The following ANXA10 variants were observed in gnomAD, a reference collection of about 807,000 sequenced individuals.
ANXA10 encodes the protein annexin 14.
In ANXA10, 49 loss-of-function variants were observed where a neutral mutation model predicts 53.5. That is an observed-to-expected ratio of 0.92 (90% CI 0.73 to 1.16). The LOEUF (loss-of-function observed/expected upper bound fraction) is 1.16, where lower values mean the gene tolerates loss of function less well. Ranked by LOEUF, ANXA10 falls within the 50% of genes most tolerant of loss-of-function variation. The pLI, the probability that ANXA10 is intolerant of heterozygous loss-of-function variation, is 0.00. For missense variants in ANXA10, 393 were observed against 394.4 expected (o/e 1.00, Z 0.03); for synonymous variants, 131 against 128.9 (o/e 1.02, Z -0.11).
chr4:168,103,311 T>C (rs962142596), intron 1 of ANXA10, among the ~76,000 whole-genome samples: 29 of 152,000 alleles, frequency 1.9e-4, no homozygotes, highest in African/African-American at 6.8e-4. Context: ...TCTATTAAGG[T>C]CTATGACAAA....
At chr4:168,128,281 A>G in intron 2 of ANXA10, 116 bp downstream of exon 2, 1 of 501,396 alleles carries the variant, frequency 2.0e-6, no homozygotes, top group Non-Finnish European at 3.1e-6. Context: ...GATACAGATT[A>G]GACAAAAAAA....
In ANXA10 at chr4:168,181,710, A is replaced by T; in HGVS notation, c.752A>T (p.Tyr251Phe). 1 of 1,604,422 alleles carries T rather than the reference A, an allele frequency of 6.2e-7. No individual in the cohort carries two copies. Among genetic ancestry groups the T allele is most frequent in the Non-Finnish European group, 8.5e-7 (1 of 1,173,350 alleles). ...CTCTGTGTTCGAGACAAACCAGCCT[A>T]TTTTGCTTATAGATTATATAGTGCA... is the stretch of plus-strand genomic sequence containing the variant. Reference protein sequence around the residue: ...IVLCVRDKPAYFAYRLYSAIH... With the variant: ...IVLCVRDKPAFFAYRLYSAIH... Residue 251 changes from tyrosine (Y) to phenylalanine (F), a missense_variant, in exon 10 of 12, where the codon TAT becomes TTT. By Grantham distance (22) the Tyr-to-Phe change is conservative (BLOSUM62 3). Transcript: ENST00000359299.
At chr4:168,156,393 ATAT>A (rs1731682586) in intron 3 of ANXA10, among the ~76,000 whole-genome samples, 1 of 114,722 alleles carries the variant, frequency 8.7e-6, no homozygotes, top group South Asian at 2.4e-4. Flanking sequence ...AATATATATT[ATAT>A]TATATATTAT....
intron 1 of ANXA10, among the ~76,000 whole-genome samples, chr4:168,114,750 T>G (rs1342601445): frequency 6.6e-6 from 1 of 152,176 alleles, no homozygotes; most frequent in African/African-American, 2.4e-5. Context: ...ATATTTGGTT[T>G]TCTGTTCCTG....
rs1731806897 is a variant in ANXA10, at chr4:168,162,647, G to T, written c.309+6G>T. The T allele has an allele frequency of 1.2e-6, 2 of 1,612,176 alleles. No individual in the cohort carries two copies. Among genetic ancestry groups the T allele is most frequent in the Admixed American group, 1.7e-5 (1 of 59,934 alleles). ...AGCTCTGGCATGCCATGAAGGTAGT[G>T]ATCTGATCCAAAAATATGCCTGTAA... is the stretch of plus-strand genomic sequence containing the variant. On this transcript the variant is annotated splice_donor_region_variant and intron_variant, in intron 4 of 11. Coordinates refer to ENST00000359299, the MANE Select transcript of ANXA10 (RefSeq NM_007193.5).
In ANXA10 at chr4:168,162,608, G is replaced by C; in HGVS notation, c.276G>C (p.Leu92=). The change falls in exon 4 of 12, where the codon CTG becomes CTC. Residue 92 remains leucine (L), a synonymous_variant. Coordinates refer to ENST00000359299, the MANE Select transcript of ANXA10 (RefSeq NM_007193.5). ...VMAGLMYPPP[L]YDAHELWHAM... Reference sequence around the variant, plus strand: ...CTGGCCTCATGTACCCACCACCACTGTATGATGCTCATGAGCTCTGGCATG... The same window carrying C: ...CTGGCCTCATGTACCCACCACCACTCTATGATGCTCATGAGCTCTGGCATG... The C allele has an allele frequency of 6.2e-7, 1 of 1,613,936 alleles. No homozygotes were observed. The highest frequency in any genetic ancestry group is 8.5e-7 in the Non-Finnish European group (1 of 1,179,878).
At chr4:168,107,862 G>T (rs1036124781) in intron 1 of ANXA10, among the ~76,000 whole-genome samples, 4 of 152,028 alleles carry the variant, frequency 2.6e-5, no homozygotes, top group East Asian at 1.9e-4. Flanking sequence ...CATTATATTG[G>T]GGGGTAGGGC....
intron 2 of ANXA10, among the ~76,000 whole-genome samples, chr4:168,137,990 C>T (rs1731266190): frequency 7.0e-6 from 1 of 142,704 alleles, no homozygotes. Flanking sequence ...GAGATGGAGT[C>T]TTACTCTGTT....
chr4:168,142,562 C>T (rs1731343955), intron 3 of ANXA10, among the ~76,000 whole-genome samples: 2 of 152,142 alleles, frequency 1.3e-5, no homozygotes, highest in African/African-American at 4.8e-5. Context: ...TTGTAATTTC[C>T]TCACAGTAAC....
chr4:168,155,692 T>C (rs193284402), intron 3 of ANXA10, among the ~76,000 whole-genome samples: 597 of 39,250 alleles, frequency 0.015, 26 homozygotes, highest in South Asian at 0.052. Flanking sequence ...ATAAAATATA[T>C]AATATATTAT....
chr4:168,159,089 C>A (rs1043016887), intron 3 of ANXA10, among the ~76,000 whole-genome samples: 5 of 152,102 alleles, frequency 3.3e-5, no homozygotes, highest in Non-Finnish European at 7.4e-5. Flanking sequence ...TGTAAATTAC[C>A]CAGCCACAGG....
chr4:168,170,527 T>A (rs1731963363), intron 6 of ANXA10, among the ~76,000 whole-genome samples: 1 of 152,178 alleles, frequency 6.6e-6, no homozygotes. Context: ...AAACCATGAT[T>A]CAGGACCCAA....
At chr4:168,132,302 A>C (rs1731167780) in intron 2 of ANXA10, among the ~76,000 whole-genome samples, 1 of 152,152 alleles carries the variant, frequency 6.6e-6, no homozygotes, top group Admixed American at 6.6e-5. Context: ...ATAAAAAAGA[A>C]TGAGATCCTG....
intron 2 of ANXA10, among the ~76,000 whole-genome samples, chr4:168,131,052 C>T (rs1258865019): frequency 6.6e-6 from 1 of 151,836 alleles, no homozygotes. Flanking sequence ...ATTTGCTCTT[C>T]TTTTTCCAGT....
intron 1 of ANXA10, among the ~76,000 whole-genome samples, chr4:168,120,205 C>G (rs935440432): frequency 6.6e-6 from 1 of 151,966 alleles, no homozygotes; most frequent in Non-Finnish European, 1.5e-5. Context: ...ATGTGAAACT[C>G]ATAGGAAAAA....
At chr4:168,158,136 T>C (rs1035890727) in intron 3 of ANXA10, among the ~76,000 whole-genome samples, 13 of 152,214 alleles carry the variant, frequency 8.5e-5, no homozygotes, top group Non-Finnish European at 1.8e-4. Context: ...CTCTAGAGAA[T>C]ATGTGGTGGT....
At chr4:168,176,595 A>G (rs1359983700) in intron 6 of ANXA10, among the ~76,000 whole-genome samples, 1 of 152,128 alleles carries the variant, frequency 6.6e-6, no homozygotes, top group East Asian at 1.9e-4. Flanking sequence ...TTGGGATCCC[A>G]TTCATACTAT....
chr4:168,141,594 G>A (rs1377651095), intron 3 of ANXA10, among the ~76,000 whole-genome samples: 2 of 152,162 alleles, frequency 1.3e-5, no homozygotes, highest in African/African-American at 4.8e-5. Flanking sequence ...CTCGGTCCTT[G>A]ATCATCTTGG....
intron 3 of ANXA10, among the ~76,000 whole-genome samples, chr4:168,160,005 T>A: frequency 6.6e-6 from 1 of 152,280 alleles, no homozygotes; most frequent in East Asian, 1.9e-4. Flanking sequence ...ACCGTTCAGA[T>A]TTCTTGGTAA....
Sources: gnomAD v4.1 joint callset for allele counts (sites outside exome capture counted in the v4.1 genomes callset) on GRCh38, gnomAD v4.1.1 for gene constraint, MANE v1.5 for transcripts, NCBI Gene and HGNC (gene_info 2026-07-23, HGNC 2026-07-21) for gene names.